Variants in HGSNAT observed in about 807,000 individuals in gnomAD.
HGSNAT encodes heparan-alpha-glucosaminide N-acetyltransferase, also known as transmembrane protein 76.
In HGSNAT, 59 loss-of-function variants were observed where a neutral mutation model predicts 85.2. The observed-to-expected ratio is 0.69, with a 90% CI of 0.56 to 0.86. The LOEUF is 0.86. Ranked by LOEUF, HGSNAT falls within the 40% of genes least tolerant of loss-of-function variation. The pLI is 0.00. For synonymous variants in HGSNAT, 321 were observed against 304.5 expected, an observed-to-expected ratio of 1.05 and a Z score of -0.56; for missense variants, 756 against 777.1, an observed-to-expected ratio of 0.97 and a Z score of 0.32.
chr8:43,199,629 C>A lies in HGSNAT; in HGVS notation c.*60C>A. On this transcript the variant is annotated 3_prime_UTR_variant, in exon 18 of 18. Transcript: ENST00000379644. ...AGTAGGCCTGCAGGGAGGACTGAAG[C>A]AGCCTTTGTTAAAGGGAAGCATTCA... The A allele has an allele frequency of 7.7e-7, 1 of 1,306,596 alleles. No homozygotes were observed. The highest frequency in any genetic ancestry group is 1.0e-6 in the Non-Finnish European group (1 of 978,942). 80.9% of individuals were successfully genotyped at this position (1,306,596 alleles called of 1,614,324 possible). A position where few individuals can be genotyped will look rare whatever the true frequency, so the allele number is the denominator to read the frequency against.
intron 1 of HGSNAT, among the ~76,000 whole-genome samples, chr8:43,144,840 C>G (rs943172065): frequency 6.6e-6 from 1 of 152,182 alleles, no homozygotes; most frequent in African/African-American, 2.4e-5. Flanking sequence ...GGGGTACTGG[C>G]TCTGAAGACA....
intron 1 of HGSNAT, 76 bp downstream of exon 1, chr8:43,140,690 C>T (rs1185046422): frequency 1.5e-6 from 1 of 689,020 alleles, no homozygotes; most frequent in Non-Finnish European, 1.9e-6. Flanking sequence ...GCCCCTATCT[C>T]CGTGCGCGGC....
At chr8:43,190,949 T>C (rs1189488023) in intron 11 of HGSNAT, among the ~76,000 whole-genome samples, 1 of 152,158 alleles carries the variant, frequency 6.6e-6, no homozygotes, top group African/African-American at 2.4e-5. Context: ...CCCAGCCTAC[T>C]TGTTGTCTCT....
chr8:43,172,760 T>C (rs932826265), intron 8 of HGSNAT, among the ~76,000 whole-genome samples: 2 of 152,238 alleles, frequency 1.3e-5, no homozygotes, highest in South Asian at 4.1e-4. Flanking sequence ...CTAGGACTTA[T>C]GGTCCTTTTT....
chr8:43,198,535 C>A (rs950436958), intron 17 of HGSNAT, among the ~76,000 whole-genome samples: 1 of 152,168 alleles, frequency 6.6e-6, no homozygotes, highest in African/African-American at 2.4e-5. Flanking sequence ...GATCCGCCCG[C>A]CTCGGCCTCC....
intron 14 of HGSNAT, chr8:43,194,364 C>T (rs1804639303): frequency 2.0e-6 from 2 of 982,458 alleles, no homozygotes; most frequent in Non-Finnish European, 1.2e-6. Flanking sequence ...CACCACTGCA[C>T]TCCTGGCTGG....
rs1804467127 is a variant in HGSNAT at position 43,189,877 on chromosome 8, G to A, written c.1129-1597G>A. On this transcript the variant is annotated intron_variant, in intron 11 of 17. Coordinates refer to ENST00000379644, the MANE Select transcript of HGSNAT (RefSeq NM_152419.3). ...CAAAGTGCTGGGAGTACAGGCGGGAGCCACCGCGTCTGGCCGCCTGACCCC... is the reference window on the plus strand; with the variant it reads ...CAAAGTGCTGGGAGTACAGGCGGGAACCACCGCGTCTGGCCGCCTGACCCC... 3.3e-5 allele frequency among the ~76,000 whole-genome samples: 5 copies of A among 152,364 alleles called. No homozygotes were observed. The South Asian group carries it at 8.3e-4, about 25-fold the overall frequency.
At chr8:43,145,749 T>TA (rs1043273555) in intron 1 of HGSNAT, among the ~76,000 whole-genome samples, 21 of 148,048 alleles carry the variant, frequency 1.4e-4, no homozygotes, top group East Asian at 4.0e-4. Context: ...AGACTCCATT[T>TA]AAAAAAAAAA....
intron 5 of HGSNAT, among the ~76,000 whole-genome samples, chr8:43,162,063 G>A (rs1161804915): frequency 1.3e-5 from 2 of 152,228 alleles, no homozygotes; most frequent in African/African-American, 2.4e-5. Context: ...TCTGGTAAGA[G>A]TGAATTAGTA....
intron 2 of HGSNAT, among the ~76,000 whole-genome samples, chr8:43,157,967 C>A (rs899900593): frequency 1.8e-4 from 28 of 152,076 alleles, no homozygotes; most frequent in Admixed American, 1.8e-3. Flanking sequence ...TAGATAAAAT[C>A]ATGGAAACTT....
intron 8 of HGSNAT, among the ~76,000 whole-genome samples, chr8:43,173,281 C>G (rs933560835): frequency 3.3e-5 from 5 of 152,102 alleles, no homozygotes; most frequent in African/African-American, 1.2e-4. Flanking sequence ...TGAGCCACAC[C>G]ACACCTGGCC....
At chr8:43,147,698 TG>T in intron 2 of HGSNAT, among the ~76,000 whole-genome samples, 1 of 152,240 alleles carries the variant, frequency 6.6e-6, no homozygotes, top group East Asian at 1.9e-4. Flanking sequence ...AGCTAAGCAT[TG>T]GGTACTTATG....
At chr8:43,149,041 G>A (rs570777152) in intron 2 of HGSNAT, among the ~76,000 whole-genome samples, 182 of 151,904 alleles carry the variant, frequency 1.2e-3, no homozygotes, top group African/African-American at 4.2e-3. Flanking sequence ...GTTTAACCCC[G>A]GGAGGCAGAG....
intron 8 of HGSNAT, 125 bp from the exon 9 acceptor site, chr8:43,173,588 G>A: frequency 9.8e-7 from 1 of 1,020,818 alleles, no homozygotes; most frequent in East Asian, 2.7e-5. Context: ...TGGGATTACG[G>A]GCATGAGTCA....
chr8:43,156,040 A>G (rs1266353570), intron 2 of HGSNAT, among the ~76,000 whole-genome samples: 3 of 151,952 alleles, frequency 2.0e-5, no homozygotes, highest in Admixed American at 6.6e-5. Context: ...GGGTTTCACC[A>G]TGTTGGCCAG....
At chr8:43,181,460 A>G (rs1490890936) in intron 10 of HGSNAT, among the ~76,000 whole-genome samples, 2 of 152,060 alleles carry the variant, frequency 1.3e-5, no homozygotes, top group Non-Finnish European at 2.9e-5. Context: ...TGTCGTTAGC[A>G]GAAGAGGACA....
chr8:43,194,487 C>G (rs1310667264), intron 14 of HGSNAT: 3 of 985,322 alleles, frequency 3.0e-6, no homozygotes, highest in South Asian at 4.7e-5. Context: ...TGTCACACTT[C>G]TTTCATGTAC....
chr8:43,177,246 T>G (rs968757679), intron 9 of HGSNAT, among the ~76,000 whole-genome samples: 7 of 152,156 alleles, frequency 4.6e-5, no homozygotes, highest in African/African-American at 1.4e-4. Flanking sequence ...TCTAACTTTT[T>G]TTTTTTTAAA....
intron 11 of HGSNAT, among the ~76,000 whole-genome samples, chr8:43,190,967 T>C (rs1287837311): frequency 6.6e-6 from 1 of 152,186 alleles, no homozygotes; most frequent in Non-Finnish European, 1.5e-5. Context: ...TCTACACATG[T>C]ACCTGCTCTA....
Sources: allele counts gnomAD v4.1 joint callset (sites outside exome capture counted in the v4.1 genomes callset), GRCh38; gene constraint gnomAD v4.1.1; transcripts MANE v1.5; gene names NCBI Gene and HGNC (gene_info 2026-07-23, HGNC 2026-07-21).